NUMBL: variants seen among roughly 807,000 people sequenced by gnomAD.
NUMBL encodes NUMB like endocytic adaptor protein, also known as numb-like protein.
In NUMBL, 20 loss-of-function variants were observed where a neutral mutation model predicts 48.9. That is an observed-to-expected ratio of 0.41 (90% CI 0.29 to 0.59). The LOEUF is 0.59. Ranked by LOEUF, NUMBL falls within the 20% of genes least tolerant of loss-of-function variation. NUMBL has a pLI of 0.31. For synonymous variants in NUMBL, 340 were observed against 348.7 expected, an observed-to-expected ratio of 0.98 and a Z score of 0.28; for missense variants, 660 against 846.2, an observed-to-expected ratio of 0.78 and a Z score of 2.73.
chr19:40,684,393 C>A (rs2081922752), intron 3 of NUMBL, 24 bp downstream of exon 3: 5 of 1,542,580 alleles, frequency 3.2e-6, no homozygotes, highest in Non-Finnish European at 2.6e-6. Flanking sequence ...CCTCGCCCCG[C>A]CGCACCCTGC....
chr19:40,682,906 C>T lies in NUMBL; in HGVS notation c.312G>A (p.Lys104=), dbSNP rs1233119604. 1.2e-6 allele frequency: 2 copies of T among 1,614,088 alleles called. No homozygotes were observed. The highest frequency in any genetic ancestry group is 1.1e-5 in the South Asian group (1 of 91,088). ...CCCCCTCACTCACCGCCTTCAGCTT[C>T]TTCACCGCATCTTCACACACGTGCA... The part of the protein sequence containing the change: ...RGMHVCEDAV[K]KLKAMGRKSV... Residue 104 remains lysine (K), a synonymous_variant, in exon 4 of 10, where the codon AAG becomes AAA. Transcript: ENST00000252891. This position sits in a 1 kb window ranked among gnomAD's most constrained non-coding sequence, Gnocchi z 4.0.
At chr19:40,675,142 CAAAAAAAAAA>C (rs71334931) in intron 7 of NUMBL, among the ~76,000 whole-genome samples, 5 of 29,798 alleles carry the variant, frequency 1.7e-4, no homozygotes, top group Admixed American at 5.9e-4. Flanking sequence ...GACTCTGTCT[CAAAAAAAAAA>C]AAAAAAAAAA....
chr19:40,684,394 C>G (rs370991230), intron 3 of NUMBL, 23 bp downstream of exon 3: 2 of 1,543,294 alleles, frequency 1.3e-6, no homozygotes, highest in Non-Finnish European at 1.7e-6. Context: ...CTCGCCCCGC[C>G]GCACCCTGCC....
In NUMBL at chr19:40,667,638, G is replaced by T; in HGVS notation, c.1660C>A (p.Arg554Ser). Reference protein sequence around the residue: ...AIPSAPGSQARPRPNGAPWPP... With the variant: ...AIPSAPGSQASPRPNGAPWPP... ...CAGGGGGCCCCATTGGGGCGAGGGC[G>T]GGCCTGGCTCCCAGGGGCACTGGGT... The change falls in exon 10 of 10, where the codon CGC becomes AGC. Residue 554 changes from arginine (R) to serine (S), a missense_variant. Around this residue, in one of 3 missense-constraint regions of NUMBL, gnomAD observed 296 missense variants for 339.7 expected, o/e 0.87. Transcript: ENST00000252891. This position sits in a 1 kb window ranked among gnomAD's most constrained non-coding sequence, Gnocchi z 6.1. 1 of 1,557,576 alleles carries T rather than the reference G, an allele frequency of 6.4e-7. No individual in the cohort carries two copies.
chr19:40,678,728 A>G (rs1015489157), intron 6 of NUMBL, among the ~76,000 whole-genome samples: 3 of 152,186 alleles, frequency 2.0e-5, no homozygotes, highest in Admixed American at 1.3e-4. Context: ...GAAAAAAAAA[A>G]TCTGGAAACA....
chr19:40,675,866 A>T (rs888952420), intron 7 of NUMBL, among the ~76,000 whole-genome samples: 26 of 146,108 alleles, frequency 1.8e-4, no homozygotes, highest in African/African-American at 6.2e-4. Flanking sequence ...TTTTAAATTA[A>T]TTTTTTTTTT....
rs751134500 is a variant in NUMBL, at chr19:40,684,506, G to C, written c.160C>G (p.Pro54Ala). The change falls in exon 3 of 10, where the codon CCA (proline) becomes GCA (alanine). Residue 54 changes from proline to alanine, a missense_variant. Physicochemically the swap from Pro to Ala is conservative, Grantham distance 27. Coordinates refer to ENST00000252891, the MANE Select transcript of NUMBL (RefSeq NM_004756.5). Reference protein sequence around the residue: ...KLRQSLRRRKPAYVPEASRPH... With the variant: ...KLRQSLRRRKAAYVPEASRPH... Reference sequence around the variant, plus strand: ...CGCGACGCCTCGGGCACGTAGGCTGGCTTCCTCCGCCGCAGGCTCTGCCGT... The same window carrying C: ...CGCGACGCCTCGGGCACGTAGGCTGCCTTCCTCCGCCGCAGGCTCTGCCGT... 4.1e-5 allele frequency: 66 copies of C among 1,604,524 alleles called. No individual in the cohort carries two copies. Among genetic ancestry groups the C allele is most frequent in the Non-Finnish European group, 3.4e-6 (4 of 1,176,212 alleles).
rs762990433 is a variant in NUMBL, at chr19:40,673,370, C to T, written c.1010G>A (p.Arg337His). The change falls in exon 8 of 10, where the codon CGC becomes CAC. Residue 337 changes from arginine (R) to histidine (H), a missense_variant. By Grantham distance (29) the Arg-to-His change is conservative. Transcript: ENST00000252891. The surrounding 1 kb of genome is among the most constrained non-coding windows in gnomAD (Gnocchi z 5.9). Reference protein sequence around the residue: ...LNELPSTLQRRTDFQVKGTVP... With the variant: ...LNELPSTLQRHTDFQVKGTVP... ...TGTGCCCTTCACCTGGAAGTCAGTG[C>T]GGCGCTGCAGCGTGGATGGCAGCTC... 5.6e-6 allele frequency: 9 copies of T among 1,613,176 alleles called. No individual in the cohort carries two copies. Among genetic ancestry groups the T allele is most frequent in the East Asian group, 2.2e-5 (1 of 44,872 alleles).
At chr19:40,670,411 T>A (rs1429412299) in intron 8 of NUMBL, among the ~76,000 whole-genome samples, 1 of 152,144 alleles carries the variant, frequency 6.6e-6, no homozygotes, top group African/African-American at 2.4e-5. Flanking sequence ...TGGCTGGGGA[T>A]CATTTGTCCA....
chr19:40,688,282 G>A lies in NUMBL; in HGVS notation c.25-1287C>T, dbSNP rs1373050160. On this transcript the variant is annotated intron_variant, in intron 1 of 9. Coordinates refer to ENST00000252891, the MANE Select transcript of NUMBL (RefSeq NM_004756.5). The surrounding 1 kb of genome is among the most constrained non-coding windows in gnomAD (Gnocchi z 4.6). ...GCACACAAGTCACACAGACAAGTAT[G>A]TGGCCATATAGAATCACAGCCCCGT... 6.6e-6 allele frequency among the ~76,000 whole-genome samples: 1 copy of A among 152,230 alleles called. No individual in the cohort carries two copies. The highest frequency in any genetic ancestry group is 1.5e-5 in the Non-Finnish European group (1 of 68,044).
chr19:40,671,899 G>A (rs1337721934), intron 8 of NUMBL, among the ~76,000 whole-genome samples: 1 of 147,612 alleles, frequency 6.8e-6, no homozygotes, highest in African/African-American at 2.5e-5. Context: ...TTTTTTTTTT[G>A]AGACAGGTTC....
rs771224858 is a variant in NUMBL, at chr19:40,673,589, G to A, written c.791C>T (p.Pro264Leu). The A allele has an allele frequency of 1.6e-5, 24 of 1,536,768 alleles. No individual in the cohort carries two copies. The highest frequency in any genetic ancestry group is 1.8e-5 in the Non-Finnish European group (21 of 1,137,706). Residue 264 changes from proline (P) to leucine (L), a missense_variant, in exon 8 of 10, where the codon CCG (proline) becomes CTG (leucine). This residue lies in a region of NUMBL where 278 missense variants were observed against 420.6 expected (regional missense o/e 0.66). Transcript: ENST00000252891. This position sits in a 1 kb window ranked among gnomAD's most constrained non-coding sequence, Gnocchi z 5.9. ...PGPAQPGHVS[P>L]TPATTSPGEK... ...ACCAGGGGATGTGGTGGCTGGTGTCGGGGACACGTGCCCAGGCTGGGCAGG... is the reference window on the plus strand; with the variant it reads ...ACCAGGGGATGTGGTGGCTGGTGTCAGGGACACGTGCCCAGGCTGGGCAGG...
In NUMBL at chr19:40,690,634, T is replaced by A; in HGVS notation, c.-151A>T. ...GCGGGATGCACGCGCGCGAGCCTCC[T>A]CGGCTCCCGGGAGGATTCCGTTCCG... On this transcript the variant is annotated 5_prime_UTR_variant, in exon 1 of 10. Transcript: ENST00000252891. The A allele has an allele frequency of 2.6e-6, 1 of 385,570 alleles. No homozygotes were observed. The highest frequency in any genetic ancestry group is 4.4e-6 in the Non-Finnish European group (1 of 226,946). The allele number at this position is 385,570 out of a possible 1,614,324, so 23.9% of individuals were successfully genotyped here. A position where few individuals can be genotyped will look rare whatever the true frequency, so the allele number is the denominator to read the frequency against.
In NUMBL at chr19:40,688,755, A is replaced by G. The variant is rs1480221676; in HGVS notation, c.24+1705T>C. Among the ~76,000 whole-genome samples, 1 of 152,208 alleles carries G rather than the reference A, an allele frequency of 6.6e-6. No homozygotes were observed. Among genetic ancestry groups the G allele is most frequent in the African/African-American group, 2.4e-5 (1 of 41,444 alleles). ...GAGACACATCCACAGCTTTAGTCAC[A>G]CACAAATAATCCCTCTAAATAGCCA... On this transcript the variant is annotated intron_variant, in intron 1 of 9. Coordinates refer to ENST00000252891, the MANE Select transcript of NUMBL (RefSeq NM_004756.5). This position sits in a 1 kb window ranked among gnomAD's most constrained non-coding sequence, Gnocchi z 4.6.
intron 7 of NUMBL, among the ~76,000 whole-genome samples, chr19:40,675,616 G>C (rs1599906046): frequency 1.6e-5 from 2 of 126,098 alleles, no homozygotes; most frequent in African/African-American, 3.2e-5. Flanking sequence ...CACACACACA[G>C]AGTTTTAGAA....
At chr19:40,677,158 G>T in intron 7 of NUMBL, 74 bp downstream of exon 7, 1 of 1,469,044 alleles carries the variant, frequency 6.8e-7, no homozygotes, top group Non-Finnish European at 9.2e-7. Context: ...CTGCACCTCT[G>T]CAGCTCCCTG....
rs2081946688 is a variant in NUMBL at position 40,688,726 on chromosome 19, C to T, written c.25-1731G>A. Among the ~76,000 whole-genome samples the T allele has an allele frequency of 1.3e-5, 2 of 152,188 alleles. No homozygotes were observed. The highest frequency in any genetic ancestry group is 4.1e-4 in the South Asian group (2 of 4,832). On this transcript the variant is annotated intron_variant, in intron 1 of 9. Transcript: ENST00000252891. The surrounding 1 kb of genome is among the most constrained non-coding windows in gnomAD (Gnocchi z 4.6). Reference sequence around the variant, plus strand: ...TACAAACATAATTTCCTGGCACCAGCACGGAGACACATCCACAGCTTTAGT... The same window carrying T: ...TACAAACATAATTTCCTGGCACCAGTACGGAGACACATCCACAGCTTTAGT...
intron 9 of NUMBL, among the ~76,000 whole-genome samples, chr19:40,668,379 T>C: frequency 6.6e-6 from 1 of 152,158 alleles, no homozygotes; most frequent in East Asian, 1.9e-4. Flanking sequence ...TAAGGCCCTA[T>C]GATGAGAAAG....
At chr19:40,679,940 G>A (rs1054962806) in intron 6 of NUMBL, among the ~76,000 whole-genome samples, 10 of 151,700 alleles carry the variant, frequency 6.6e-5, no homozygotes, top group Non-Finnish European at 1.5e-4. Context: ...CCATTGAATT[G>A]TACACTTTTA....
Sources: allele counts gnomAD v4.1 joint callset (sites outside exome capture counted in the v4.1 genomes callset), GRCh38; gene constraint gnomAD v4.1.1; regional missense constraint gnomAD v4.1.1; non-coding constraint Gnocchi (gnomAD v3.1); transcripts MANE v1.5; gene names NCBI Gene and HGNC (gene_info 2026-07-23, HGNC 2026-07-21).